Variants in ZSCAN1 observed in about 807,000 individuals in gnomAD.
The protein encoded by ZSCAN1 is zinc finger and SCAN domain containing 1.
A neutral mutation model predicts 23.8 loss-of-function variants in ZSCAN1; 23 were observed. That is an observed-to-expected ratio of 0.97 (90% CI 0.70 to 1.37). The LOEUF (loss-of-function observed/expected upper bound fraction) is 1.37. ZSCAN1 is among the 40% of genes most tolerant of loss of function. ZSCAN1 has a pLI of 0.00. For synonymous variants in ZSCAN1, 236 were observed against 232.3 expected (o/e 1.02, Z -0.15); for missense variants, 575 against 554.0 (o/e 1.04, Z -0.38).
rs756000794 is a variant in ZSCAN1, at chr19:58,045,616, C to T, written c.465+5072C>T. 4.4e-5 allele frequency: 43 copies of T among 971,330 alleles called. No homozygotes were observed. Among genetic ancestry groups the T allele is most frequent in the Non-Finnish European group, 6.6e-5 (39 of 593,790 alleles). The allele number at this position is 971,330 out of a possible 1,614,324, so 60.2% of individuals were successfully genotyped here. A position where few individuals can be genotyped will look rare whatever the true frequency, so the allele number is the denominator to read the frequency against. On this transcript the variant is annotated intron_variant, in intron 4 of 5. Transcript: ENST00000282326. This position sits in a 1 kb window ranked among gnomAD's most constrained non-coding sequence, Gnocchi z 4.3. The stretch of plus-strand genomic sequence containing the variant: ...CTTCCTGCGCTTCCAGCTCACGATG[C>T]GGCTGCGCTCCATAAAGGCAGAGGA...
chr19:58,054,849 GA>G (rs1197686419), downstream of ZSCAN1, among the ~76,000 whole-genome samples: 1 of 151,948 alleles, frequency 6.6e-6, no homozygotes, highest in Non-Finnish European at 1.5e-5. This position sits in a 1 kb window ranked among gnomAD's most constrained non-coding sequence, Gnocchi z 4.2. Context: ...CTTACAGAAG[GA>G]TTTTTTTTTT....
chr19:58,041,337 C>T (rs1040962415), intron 4 of ZSCAN1, among the ~76,000 whole-genome samples: 2 of 152,212 alleles, frequency 1.3e-5, no homozygotes, highest in Non-Finnish European at 2.9e-5. Flanking sequence ...GGGGTCCTGA[C>T]CTAACAGTGG....
chr19:58,046,297 T>C, intron 4 of ZSCAN1: 1 of 820,410 alleles, frequency 1.2e-6, no homozygotes, highest in South Asian at 1.3e-5. Context: ...CATGCAGGAC[T>C]ACAGCGAGGA....
chr19:58,045,030 G>T lies in ZSCAN1; in HGVS notation c.465+4486G>T. The T allele has an allele frequency of 8.9e-7, 1 of 1,122,682 alleles. No homozygotes were observed. Among genetic ancestry groups the T allele is most frequent in the Non-Finnish European group, 1.4e-6 (1 of 737,854 alleles). 69.5% of individuals were successfully genotyped at this position (1,122,682 alleles called of 1,614,324 possible). Reference sequence around the variant, plus strand: ...TGTACAGCGCCCCCGCAGAGATGGTGGTGAAGTCCCGGGGGCAGAGAGGGT... The same window carrying T: ...TGTACAGCGCCCCCGCAGAGATGGTTGTGAAGTCCCGGGGGCAGAGAGGGT... On this transcript the variant is annotated intron_variant, in intron 4 of 5. Coordinates refer to ENST00000282326, the MANE Select transcript of ZSCAN1 (RefSeq NM_182572.4). This position sits in a 1 kb window ranked among gnomAD's most constrained non-coding sequence, Gnocchi z 4.3.
chr19:58,044,667 G>A, intron 4 of ZSCAN1: 2 of 807,526 alleles, frequency 2.5e-6, no homozygotes, highest in Non-Finnish European at 4.2e-6. Flanking sequence ...ACCGCCCCGC[G>A]GGGTAGTCCG....
chr19:58,048,032 T>A (rs2073837224), intron 4 of ZSCAN1, among the ~76,000 whole-genome samples: 1 of 152,218 alleles, frequency 6.6e-6, no homozygotes, highest in Non-Finnish European at 1.5e-5. Flanking sequence ...GACATAGGAA[T>A]GGCACAGGCA....
chr19:58,053,907 C>A lies in ZSCAN1; in HGVS notation c.1083C>A (p.Val361=), dbSNP rs1439699541. The change falls in exon 6 of 6, where the codon GTC becomes GTA. Residue 361 remains valine, a synonymous_variant. Coordinates refer to ENST00000282326, the MANE Select transcript of ZSCAN1 (RefSeq NM_182572.4). The surrounding 1 kb of genome is among the most constrained non-coding windows in gnomAD (Gnocchi z 5.8). ...GGAGCAAGGGCCCCCGGGAGTCCGT[C>A]CCACCCAGGGATGGAGCCCAGGGCC... ...APRSKGPRES[V]PPRDGAQGPV... 1 of 1,613,162 alleles carries A rather than the reference C, an allele frequency of 6.2e-7. No individual in the cohort carries two copies. The highest frequency in any genetic ancestry group is 8.5e-7 in the Non-Finnish European group (1 of 1,179,318).
Position 58,045,175 on chromosome 19 carries a change from G to A in ZSCAN1, c.465+4631G>A, listed in dbSNP as rs959333421. Reference sequence around the variant, plus strand: ...CACACCCTGACCCGCCAGGCGCGCAGGCAGTTGCTCCGGTTCTGTGCCGAC... The same window carrying A: ...CACACCCTGACCCGCCAGGCGCGCAAGCAGTTGCTCCGGTTCTGTGCCGAC... On this transcript the variant is annotated intron_variant, in intron 4 of 5. Transcript: ENST00000282326. This position sits in a 1 kb window ranked among gnomAD's most constrained non-coding sequence, Gnocchi z 4.3. 2.0e-6 allele frequency: 2 copies of A among 1,015,532 alleles called. No homozygotes were observed. Among genetic ancestry groups the A allele is most frequent in the South Asian group, 1.3e-5 (1 of 78,602 alleles). 62.9% of individuals were successfully genotyped at this position (1,015,532 alleles called of 1,614,324 possible).
chr19:58,039,852 G>A (rs1599901060), intron 3 of ZSCAN1, among the ~76,000 whole-genome samples: 5 of 149,502 alleles, frequency 3.3e-5, no homozygotes, highest in South Asian at 2.2e-4. Context: ...GTTGTCCCCC[G>A]CTCTGCCTGA....
intron 4 of ZSCAN1, chr19:58,046,695 A>G: frequency 1.2e-6 from 1 of 860,526 alleles, no homozygotes; most frequent in Non-Finnish European, 2.0e-6. Context: ...CCGAGATTGT[A>G]GCAACACTGG....
chr19:58,043,904 C>G (rs1018607248), intron 4 of ZSCAN1, among the ~76,000 whole-genome samples: 2 of 151,906 alleles, frequency 1.3e-5, no homozygotes, highest in Non-Finnish European at 2.9e-5. Flanking sequence ...TAGGCTCAAG[C>G]GATCCTCCCT....
intron 3 of ZSCAN1, among the ~76,000 whole-genome samples, chr19:58,039,393 T>C (rs1200626714): frequency 6.6e-6 from 1 of 152,216 alleles, no homozygotes; most frequent in African/African-American, 2.4e-5. Context: ...CTGTCTTCCA[T>C]AGCGGTGGTC....
At chr19:58,055,583 A>G (rs916969950), downstream of ZSCAN1, among the ~76,000 whole-genome samples, 3 of 152,182 alleles carry the variant, frequency 2.0e-5, no homozygotes, top group African/African-American at 7.2e-5. Context: ...TTGGCCCCGC[A>G]GTCAGCCCAT....
At chr19:58,037,362 G>A (rs934447674) in intron 2 of ZSCAN1, among the ~76,000 whole-genome samples, 3 of 152,090 alleles carry the variant, frequency 2.0e-5, no homozygotes, top group Non-Finnish European at 2.9e-5. Flanking sequence ...TGTGTTGAAT[G>A]ACTAAATGAG....
intron 4 of ZSCAN1, among the ~76,000 whole-genome samples, chr19:58,042,462 G>A (rs2073796852): frequency 6.6e-6 from 1 of 151,994 alleles, no homozygotes; most frequent in African/African-American, 2.4e-5. Flanking sequence ...GTTTCACCGT[G>A]TTCACCAGGA....
At chr19:58,050,409 C>T (rs1006038421) in intron 4 of ZSCAN1, among the ~76,000 whole-genome samples, 2 of 151,962 alleles carry the variant, frequency 1.3e-5, no homozygotes, top group Non-Finnish European at 1.5e-5. Context: ...GCACTCCAGC[C>T]TGGGCGAAAG....
chr19:58,045,604 C>T lies in ZSCAN1; in HGVS notation c.465+5060C>T. On this transcript the variant is annotated intron_variant, in intron 4 of 5. Coordinates refer to ENST00000282326, the MANE Select transcript of ZSCAN1 (RefSeq NM_182572.4). This position sits in a 1 kb window ranked among gnomAD's most constrained non-coding sequence, Gnocchi z 4.3. ...CTGGAGCTACAGCTTCCTGCGCTTC[C>T]AGCTCACGATGCGGCTGCGCTCCAT... 2 of 1,019,408 alleles carry T rather than the reference C, an allele frequency of 2.0e-6. No homozygotes were observed. Among genetic ancestry groups the T allele is most frequent in the Admixed American group, 3.4e-5 (2 of 59,214 alleles). 63.1% of individuals were successfully genotyped at this position (1,019,408 alleles called of 1,614,324 possible).
At chr19:58,048,652 T>G (rs1197609638) in intron 4 of ZSCAN1, among the ~76,000 whole-genome samples, 1 of 152,198 alleles carries the variant, frequency 6.6e-6, no homozygotes, top group Non-Finnish European at 1.5e-5. Context: ...GAGATGGGGT[T>G]TCATTATGTT....
Position 58,053,902 on chromosome 19 carries a change from T to TCCGTCCCACCCAGGGATGGAGC in ZSCAN1, c.1081_1102dup (p.Gln368ArgfsTer23). On this transcript the variant is annotated frameshift_variant, in exon 6 of 6. Transcript: ENST00000282326. LOFTEE classifies it low-confidence loss of function (END_TRUNC). This position sits in a 1 kb window ranked among gnomAD's most constrained non-coding sequence, Gnocchi z 5.8. ...CCCCCGGAGCAAGGGCCCCCGGGAG[T>TCCGTCCCACCCAGGGATGGAGC]CCGTCCCACCCAGGGATGGAGCCCA... The TCCGTCCCACCCAGGGATGGAGC allele has an allele frequency of 1.2e-6, 2 of 1,611,638 alleles. No individual in the cohort carries two copies. Among genetic ancestry groups the TCCGTCCCACCCAGGGATGGAGC allele is most frequent in the Non-Finnish European group, 1.7e-6 (2 of 1,178,862 alleles).
Sources: gnomAD v4.1 joint callset for allele counts (sites outside exome capture counted in the v4.1 genomes callset) on GRCh38, gnomAD v4.1.1 for gene constraint, Gnocchi (gnomAD v3.1) non-coding constraint, MANE v1.5 for transcripts, NCBI Gene and HGNC (gene_info 2026-07-23, HGNC 2026-07-21) for gene names.